Variants in ELP4 observed in about 807,000 individuals in gnomAD.
ELP4 encodes the protein elongator complex protein 4.
Under a neutral mutation model 48.9 loss-of-function variants are expected in ELP4, and 51 were observed. The observed-to-expected ratio is 1.04, with a 90% CI of 0.83 to 1.32. The LOEUF (loss-of-function observed/expected upper bound fraction) is 1.32, where lower values mean the gene tolerates loss of function less well. Ranked by LOEUF, ELP4 falls within the 40% of genes most tolerant of loss-of-function variation. The pLI is 0.00. For synonymous variants in ELP4, 210 were observed against 189.2 expected (o/e 1.11, Z -0.90); for missense variants, 519 against 514.6 (o/e 1.01, Z -0.08).
chr11:31,670,378 A>G (rs893822676), intron 9 of ELP4, among the ~76,000 whole-genome samples: 2 of 152,138 alleles, frequency 1.3e-5, no homozygotes, highest in African/African-American at 2.4e-5. Context: ...ATTTATATCT[A>G]TTATCACTTG....
rs567186138 is a variant in ELP4, at chr11:31,785,155, T to C, written c.*1631T>C. 5.4e-5 allele frequency: 10 copies of C among 183,526 alleles called. No individual in the cohort carries two copies. In the South Asian group the frequency reaches 9.8e-4, roughly 18 times the overall value. 11.4% of individuals were successfully genotyped at this position (183,526 alleles called of 1,614,324 possible). On this transcript the variant is annotated 3_prime_UTR_variant, in exon 10 of 10. Coordinates refer to ENST00000640961, the MANE Select transcript of ELP4 (RefSeq NM_019040.5). Reference sequence around the variant, plus strand: ...AACTTCAAAAAATTGATTTAGTCCATAGATAATAAATAATGTTGTGCGGAT... The same window carrying C: ...AACTTCAAAAAATTGATTTAGTCCACAGATAATAAATAATGTTGTGCGGAT...
chr11:31,541,382 C>T (rs1324807944), intron 3 of ELP4: 1 of 151,958 alleles, frequency 6.6e-6, no homozygotes, highest in East Asian at 1.9e-4. Context: ...TTGGTGTTTT[C>T]TTTTGCTCTG....
chr11:31,767,813 T>G (rs1208402833), intron 9 of ELP4: 1 of 152,198 alleles, frequency 6.6e-6, no homozygotes, highest in Non-Finnish European at 1.5e-5. Flanking sequence ...AGTTAGGTCC[T>G]CATCTCTAAT....
chr11:31,699,393 A>G (rs183996456), intron 9 of ELP4, among the ~76,000 whole-genome samples: 2 of 152,318 alleles, frequency 1.3e-5, no homozygotes, highest in East Asian at 1.9e-4. Context: ...GAAATTAATA[A>G]TGGAAAACAT....
intron 9 of ELP4, among the ~76,000 whole-genome samples, chr11:31,772,920 G>T (rs1259428001): frequency 1.3e-5 from 2 of 152,204 alleles, no homozygotes; most frequent in East Asian, 3.8e-4. Flanking sequence ...AAAGACTTTA[G>T]CCCAGTTTGT....
chr11:31,661,565 T>G (rs1473294440), intron 9 of ELP4, among the ~76,000 whole-genome samples: 2 of 152,030 alleles, frequency 1.3e-5, no homozygotes, highest in Non-Finnish European at 2.9e-5. Context: ...GTATCTCCCT[T>G]TCCTAGTTCA....
chr11:31,584,206 A>G (rs1957436251), intron 3 of ELP4, among the ~76,000 whole-genome samples: 1 of 151,950 alleles, frequency 6.6e-6, no homozygotes, highest in Non-Finnish European at 1.5e-5. Context: ...AGTATTTATA[A>G]TATTTTATTA....
chr11:31,523,773 T>G lies in ELP4; in HGVS notation c.259+3682T>G, dbSNP rs531400266. 3.6e-3 allele frequency among the ~76,000 whole-genome samples: 541 copies of G among 152,270 alleles called. 1 individual carries two copies. The highest frequency in any genetic ancestry group is 6.8e-3 in the Middle Eastern group (2 of 294). On this transcript the variant is annotated intron_variant, in intron 2 of 9. Transcript: ENST00000640961. ...ATTTGATTTTAAAATCAAAGATAGA[T>G]TTTTCTTAAAATGTTTAATGCTTAA...
At chr11:31,618,396 A>C (rs1016652755) in intron 5 of ELP4, among the ~76,000 whole-genome samples, 1 of 152,122 alleles carries the variant, frequency 6.6e-6, no homozygotes, top group African/African-American at 2.4e-5. Flanking sequence ...TAGTTTGAAC[A>C]CTGCACTTTC....
At chr11:31,764,442 C>T (rs530358942) in intron 9 of ELP4, among the ~76,000 whole-genome samples, 3 of 152,318 alleles carry the variant, frequency 2.0e-5, no homozygotes, top group Admixed American at 2.0e-4. Flanking sequence ...AATTACACAG[C>T]TTAAATCGTA....
chr11:31,678,941 T>A (rs1785475583), intron 9 of ELP4, among the ~76,000 whole-genome samples: 1 of 152,186 alleles, frequency 6.6e-6, no homozygotes, highest in African/African-American at 2.4e-5. Context: ...GTTTTTGGAT[T>A]TTAGCCATTT....
At chr11:31,525,457 G>A (rs531344820) in intron 2 of ELP4, among the ~76,000 whole-genome samples, 16 of 152,260 alleles carry the variant, frequency 1.1e-4, no homozygotes, top group Middle Eastern at 3.4e-3. Flanking sequence ...GATATAAGGA[G>A]TATGAAAAAG....
At chr11:31,680,118 C>T (rs1592217423) in intron 9 of ELP4, among the ~76,000 whole-genome samples, 3 of 152,104 alleles carry the variant, frequency 2.0e-5, no homozygotes, top group Non-Finnish European at 2.9e-5. Context: ...TTCCCTGTGA[C>T]CCCAATTATC....
At chr11:31,734,546 T>G (rs557120509) in intron 9 of ELP4, among the ~76,000 whole-genome samples, 1 of 152,214 alleles carries the variant, frequency 6.6e-6, no homozygotes, top group East Asian at 1.9e-4. Context: ...GAAAACTTAG[T>G]TGTGTTTCTG....
intron 3 of ELP4, among the ~76,000 whole-genome samples, chr11:31,592,786 A>G (rs1957604918): frequency 6.6e-6 from 1 of 152,004 alleles, no homozygotes; most frequent in African/African-American, 2.4e-5. Flanking sequence ...AAATGAGGAA[A>G]TGCTTACCTA....
intron 9 of ELP4, among the ~76,000 whole-genome samples, chr11:31,710,377 C>T (rs1381675209): frequency 6.6e-6 from 1 of 152,168 alleles, no homozygotes. Context: ...GTAATCCCAA[C>T]ACTTTGGGAG....
In ELP4 at chr11:31,754,746, C is replaced by T. The variant is rs146013657; in HGVS notation, c.1144-28647C>T. 2.6e-3 allele frequency among the ~76,000 whole-genome samples: 401 copies of T among 152,252 alleles called. 5 individuals are homozygous for T. The highest frequency in any genetic ancestry group is 9.1e-3 in the East Asian group (47 of 5,178). ...AATTAGCTGGGCATGGTGGCGGGCA[C>T]CTGTAATCCCAGCTACTCAGGAGGG... On this transcript the variant is annotated intron_variant, in intron 9 of 9. Transcript: ENST00000640961.
intron 2 of ELP4, among the ~76,000 whole-genome samples, chr11:31,529,433 G>T (rs1168894874): frequency 6.6e-6 from 1 of 152,234 alleles, no homozygotes; most frequent in East Asian, 1.9e-4. Context: ...GAGAAAGCAG[G>T]AGTACAACAT....
intron 9 of ELP4, among the ~76,000 whole-genome samples, chr11:31,741,787 A>C (rs933512894): frequency 1.3e-5 from 2 of 152,206 alleles, no homozygotes; most frequent in African/African-American, 4.8e-5. Context: ...AAAACCACAA[A>C]GATGGGAATA....
Sources: allele counts gnomAD v4.1 joint callset (sites outside exome capture counted in the v4.1 genomes callset), GRCh38; gene constraint gnomAD v4.1.1; transcripts MANE v1.5; gene names NCBI Gene and HGNC (gene_info 2026-07-23, HGNC 2026-07-21).